The following CNTNAP2 variants were observed in gnomAD, a reference collection of about 807,000 sequenced individuals.
CNTNAP2 encodes the protein contactin associated protein 2.
Under a neutral mutation model 155.2 loss-of-function variants are expected in CNTNAP2, and 98 were observed. That is an observed-to-expected ratio of 0.63 (90% CI 0.54 to 0.75). The LOEUF is 0.75. CNTNAP2 is among the 30% of genes least tolerant of loss of function. CNTNAP2 has a pLI of 0.00. For synonymous variants in CNTNAP2, 651 were observed against 631.2 expected, an observed-to-expected ratio of 1.03 and a Z score of -0.47; for missense variants, 1,727 against 1,688.1, an observed-to-expected ratio of 1.02 and a Z score of -0.40.
chr7:146,675,943 G>A (rs948537710), intron 1 of CNTNAP2, among the ~76,000 whole-genome samples: 1 of 152,010 alleles, frequency 6.6e-6, no homozygotes, highest in Non-Finnish European at 1.5e-5. Flanking sequence ...TGCATACTAG[G>A]AAACACAAAG....
intron 18 of CNTNAP2, among the ~76,000 whole-genome samples, chr7:148,193,260 A>G (rs1795228266): frequency 6.6e-6 from 1 of 152,186 alleles, no homozygotes; most frequent in African/African-American, 2.4e-5. Flanking sequence ...AAGATATTAG[A>G]GTCCATCTCC....
chr7:146,568,523 G>A (rs1192730580), intron 1 of CNTNAP2, among the ~76,000 whole-genome samples: 4 of 152,098 alleles, frequency 2.6e-5, no homozygotes, highest in African/African-American at 9.7e-5. Flanking sequence ...AACTATGCTT[G>A]CTTCTATTGC....
chr7:147,269,551 A>C (rs1247721821), intron 8 of CNTNAP2, among the ~76,000 whole-genome samples: 1 of 152,222 alleles, frequency 6.6e-6, no homozygotes. Flanking sequence ...CACATATGAC[A>C]AGGAAACAAA....
At chr7:147,901,620 T>C (rs1372750229) in intron 13 of CNTNAP2, among the ~76,000 whole-genome samples, 1 of 152,226 alleles carries the variant, frequency 6.6e-6, no homozygotes, top group Non-Finnish European at 1.5e-5. Context: ...CTAGGAGGTC[T>C]TACCTCTCTT....
chr7:147,110,585 C>G (rs1444193381), intron 5 of CNTNAP2, among the ~76,000 whole-genome samples: 1 of 152,080 alleles, frequency 6.6e-6, no homozygotes, highest in African/African-American at 2.4e-5. Context: ...TCCATATGTT[C>G]TCATCATTCA....
In CNTNAP2 at chr7:147,725,004, T is replaced by G. The variant is rs1173552339; in HGVS notation, c.2098+85698T>G. Among the ~76,000 whole-genome samples the G allele has an allele frequency of 5.3e-5, 8 of 152,122 alleles. No homozygotes were observed. In the East Asian group the frequency reaches 1.6e-3, roughly 30 times the overall value. ...AAGTCAAAGGGACGGCCATTCTGTCTTGTCTTTCCCCTTCTCAGATCAGCA... is the reference window on the plus strand; with the variant it reads ...AAGTCAAAGGGACGGCCATTCTGTCGTGTCTTTCCCCTTCTCAGATCAGCA... On this transcript the variant is annotated intron_variant, in intron 13 of 23. Coordinates refer to ENST00000361727, the MANE Select transcript of CNTNAP2 (RefSeq NM_014141.6).
rs537613538 is a variant in CNTNAP2, at chr7:147,979,291, A to C, written c.2383+1302A>C. Reference sequence around the variant, plus strand: ...TCATTTGTTTAGTCAGGCTTAGTAAAACTGTGCAGAAGAAATTTAATTTCA... The same window carrying C: ...TCATTTGTTTAGTCAGGCTTAGTAACACTGTGCAGAAGAAATTTAATTTCA... On this transcript the variant is annotated intron_variant, in intron 15 of 23. Transcript: ENST00000361727. Among the ~76,000 whole-genome samples, 175 of 131,768 alleles carry C rather than the reference A, an allele frequency of 1.3e-3. 1 individual carries two copies. Among genetic ancestry groups the C allele is most frequent in the African/African-American group, 4.4e-3 (162 of 36,520 alleles). 86.4% of individuals were successfully genotyped at this position (131,768 alleles called of 152,430 possible). A position where few individuals can be genotyped will look rare whatever the true frequency, so the allele number is the denominator to read the frequency against.
chr7:147,477,682 G>A (rs929019914), intron 10 of CNTNAP2, among the ~76,000 whole-genome samples: 2 of 152,154 alleles, frequency 1.3e-5, no homozygotes, highest in Non-Finnish European at 2.9e-5. Context: ...ATATATCTCC[G>A]TGGTGCATCT....
rs1030164731 is a variant in CNTNAP2, at chr7:147,437,759, A to T, written c.1670+41979A>T. 2.0e-5 allele frequency among the ~76,000 whole-genome samples: 3 copies of T among 152,144 alleles called. No homozygotes were observed. The South Asian group carries it at 6.2e-4, about 31-fold the overall frequency. Reference sequence around the variant, plus strand: ...CCATTGATGTTTTGATAAGAATTGCATTGAATCTGTAGATTGCTTTGGGTA... The same window carrying T: ...CCATTGATGTTTTGATAAGAATTGCTTTGAATCTGTAGATTGCTTTGGGTA... On this transcript the variant is annotated intron_variant, in intron 10 of 23. Coordinates refer to ENST00000361727, the MANE Select transcript of CNTNAP2 (RefSeq NM_014141.6).
At chr7:146,313,094 C>T (rs1800852998) in intron 1 of CNTNAP2, among the ~76,000 whole-genome samples, 1 of 152,164 alleles carries the variant, frequency 6.6e-6, no homozygotes, top group Admixed American at 6.5e-5. Flanking sequence ...TGCTGAATCA[C>T]ATAGTAATTC....
chr7:146,847,818 A>G (rs1422163702), intron 3 of CNTNAP2, among the ~76,000 whole-genome samples: 6 of 152,200 alleles, frequency 3.9e-5, no homozygotes, highest in Middle Eastern at 3.2e-3. Context: ...ATGCCTTGTC[A>G]TATGAATTGT....
chr7:147,903,142 T>G (rs1223293890), intron 13 of CNTNAP2, among the ~76,000 whole-genome samples: 1 of 152,162 alleles, frequency 6.6e-6, no homozygotes, highest in Non-Finnish European at 1.5e-5. Flanking sequence ...CATATATTAT[T>G]TTTTGATTTT....
At chr7:146,908,219 A>T (rs1333383727) in intron 3 of CNTNAP2, among the ~76,000 whole-genome samples, 1 of 152,094 alleles carries the variant, frequency 6.6e-6, no homozygotes, top group Non-Finnish European at 1.5e-5. Flanking sequence ...TTAACACCGC[A>T]CTGTCAACAT....
rs138085294 is a variant in CNTNAP2, at chr7:146,743,285, T to G, written c.98-30986T>G. Among the ~76,000 whole-genome samples, 526 of 151,202 alleles carry G rather than the reference T, an allele frequency of 3.5e-3. 2 individuals carry two copies. Among genetic ancestry groups the G allele is most frequent in the African/African-American group, 0.012 (503 of 40,546 alleles). The stretch of plus-strand genomic sequence containing the variant: ...AAACAGGTATTCTATGACAAGGGAC[T>G]TGAAAAGGTGGTGTGTTTGTGTCCC... On this transcript the variant is annotated intron_variant, in intron 1 of 23. Coordinates refer to ENST00000361727, the MANE Select transcript of CNTNAP2 (RefSeq NM_014141.6).
intron 1 of CNTNAP2, among the ~76,000 whole-genome samples, chr7:146,308,825 T>G (rs1800768410): frequency 2.6e-5 from 4 of 151,822 alleles, no homozygotes; most frequent in Non-Finnish European, 4.4e-5. Context: ...CGGGGCCTGT[T>G]GTAGGGTGGG....
At chr7:148,308,799 T>C (rs1797537681) in intron 21 of CNTNAP2, among the ~76,000 whole-genome samples, 1 of 146,804 alleles carries the variant, frequency 6.8e-6, no homozygotes, top group South Asian at 2.2e-4. Context: ...ATTGTTCAGC[T>C]CCCACCTGTG....
At chr7:146,453,632 G>T (rs2129122838) in intron 1 of CNTNAP2, among the ~76,000 whole-genome samples, 1 of 152,248 alleles carries the variant, frequency 6.6e-6, no homozygotes, top group East Asian at 1.9e-4. Context: ...TAATACTGAT[G>T]ATCAAAGTAG....
At chr7:147,161,822 T>C (rs908997917) in intron 8 of CNTNAP2, 2 of 152,200 alleles carry the variant, frequency 1.3e-5, no homozygotes, top group African/African-American at 4.8e-5. Flanking sequence ...TACAAGTTTA[T>C]GTGATGAGCA....
chr7:148,326,766 G>A (rs539091261), intron 21 of CNTNAP2, among the ~76,000 whole-genome samples: 1 of 151,938 alleles, frequency 6.6e-6, no homozygotes, highest in East Asian at 1.9e-4. Flanking sequence ...TCGGGAGGCT[G>A]AGGCAGGAGA....
Sources: gnomAD v4.1 joint callset for allele counts (sites outside exome capture counted in the v4.1 genomes callset) on GRCh38, gnomAD v4.1.1 for gene constraint, MANE v1.5 for transcripts, NCBI Gene and HGNC (gene_info 2026-07-23, HGNC 2026-07-21) for gene names.